GOT1: variants seen among roughly 807,000 people sequenced by gnomAD.
GOT1 encodes aspartate aminotransferase, cytoplasmic.
A neutral mutation model predicts 48.2 loss-of-function variants in GOT1; 25 were observed. The ratio of observed to expected loss-of-function variants is 0.52; its 90% CI spans 0.38 to 0.72. The LOEUF (loss-of-function observed/expected upper bound fraction) is 0.72, where lower values mean the gene tolerates loss of function less well. GOT1 is among the 30% of genes least tolerant of loss of function. The pLI, the probability that GOT1 is intolerant of heterozygous loss-of-function variation, is 0.00. For missense variants in GOT1, 380 were observed against 520.1 expected (o/e 0.73, Z 2.62); for synonymous variants, 188 against 193.8 (o/e 0.97, Z 0.25).
chr10:99,417,940 T>A (rs2032918191), intron 2 of GOT1, among the ~76,000 whole-genome samples: 1 of 151,978 alleles, frequency 6.6e-6, no homozygotes, highest in Non-Finnish European at 1.5e-5. Flanking sequence ...TTAGGAGATA[T>A]ACCTAATGTA....
chr10:99,415,423 C>T (rs577874585), intron 2 of GOT1, among the ~76,000 whole-genome samples: 4 of 152,178 alleles, frequency 2.6e-5, no homozygotes, highest in Non-Finnish European at 5.9e-5. Flanking sequence ...AGACCAATAA[C>T]AGGAGCTGAA....
chr10:99,415,102 TG>T (rs1438169312), intron 2 of GOT1, among the ~76,000 whole-genome samples: 2 of 152,068 alleles, frequency 1.3e-5, no homozygotes, highest in Non-Finnish European at 2.9e-5. Flanking sequence ...AGAGCAGAAC[TG>T]AAGGAGACAG....
At chr10:99,399,895 C>A (rs1038192392) in intron 8 of GOT1, among the ~76,000 whole-genome samples, 3 of 152,148 alleles carry the variant, frequency 2.0e-5, no homozygotes, top group African/African-American at 7.2e-5. Flanking sequence ...AACCAGTGAA[C>A]AAAGAAAGCA....
intron 2 of GOT1, among the ~76,000 whole-genome samples, chr10:99,417,639 T>C (rs896308547): frequency 4.6e-5 from 7 of 152,346 alleles, no homozygotes; most frequent in Non-Finnish European, 8.8e-5. Flanking sequence ...CATATGTTTA[T>C]TGCAGCACTA....
chr10:99,412,176 GAGAAC>G (rs929038274), intron 2 of GOT1, among the ~76,000 whole-genome samples: 1 of 152,100 alleles, frequency 6.6e-6, no homozygotes, highest in African/African-American at 2.4e-5. Context: ...AGTAGGTCTA[GAGAAC>G]AGCAAGACTC....
rs148841191 is a variant in GOT1 at position 99,399,573 on chromosome 10, C to A, written c.1103-1887G>T. 4.2e-3 allele frequency among the ~76,000 whole-genome samples: 637 copies of A among 152,128 alleles called. 6 individuals are homozygous for A. Among genetic ancestry groups the A allele is most frequent in the African/African-American group, 0.014 (581 of 41,472 alleles). The stretch of plus-strand genomic sequence containing the variant: ...ATTGCTTGAGCCCAGGAGTTGACGA[C>A]CAGCCTGGGCATCATAAGGAGACCC... On this transcript the variant is annotated intron_variant, in intron 8 of 8. Transcript: ENST00000370508.
Position 99,406,185 on chromosome 10 carries a change from A to G in GOT1, c.489T>C (p.Asp163=). 6.2e-7 allele frequency: 1 copy of G among 1,613,996 alleles called. No individual in the cohort carries two copies. Among genetic ancestry groups the G allele is most frequent in the Non-Finnish European group, 8.5e-7 (1 of 1,179,818 alleles). The change falls in exon 4 of 9, where the codon GAT becomes GAC. Residue 163 remains aspartate, a synonymous_variant. Transcript: ENST00000370508. ...GGAGGTCCAATCCTCTCTTCTCTGCATCCCAGTAGCGATAGGACCGAATGT... is the reference window on the plus strand; with the variant it reads ...GGAGGTCCAATCCTCTCTTCTCTGCGTCCCAGTAGCGATAGGACCGAATGT... ...FKDIRSYRYW[D]AEKRGLDLQG...
In GOT1 at chr10:99,397,625, G is replaced by A. The variant is rs2032618173; in HGVS notation, c.1164C>T (p.Ile388=). 6.2e-7 allele frequency: 1 copy of A among 1,613,650 alleles called. No individual in the cohort carries two copies. Among genetic ancestry groups the A allele is most frequent in the African/African-American group, 1.3e-5 (1 of 74,886 alleles). Residue 388 remains isoleucine (I), a synonymous_variant, in exon 9 of 9, where the codon ATC becomes ATT. Transcript: ENST00000370508. This position sits in a 1 kb window ranked among gnomAD's most constrained non-coding sequence, Gnocchi z 5.4. Reference sequence around the variant, plus strand: ...TTTTGGTGGTTAAGCCACTCACGTTGATTCGACCACTTGGCAGCAGGTAGA... The same window carrying A: ...TTTTGGTGGTTAAGCCACTCACGTTAATTCGACCACTTGGCAGCAGGTAGA... ...KHIYLLPSGR[I]NVSGLTTKNL...
intron 1 of GOT1, among the ~76,000 whole-genome samples, chr10:99,421,870 T>TA (rs879935363): frequency 7.3e-5 from 11 of 150,370 alleles, no homozygotes; most frequent in South Asian, 4.2e-4. Flanking sequence ...ATCCCTGACT[T>TA]AAAAAAAAAA....
intron 8 of GOT1, among the ~76,000 whole-genome samples, chr10:99,400,585 C>T (rs895334925): frequency 5.3e-5 from 8 of 151,612 alleles, no homozygotes; most frequent in East Asian, 2.0e-4. Flanking sequence ...TGCAGTGGCC[C>T]GAGATTGCAC....
chr10:99,414,999 A>C (rs1355062576), intron 2 of GOT1, among the ~76,000 whole-genome samples: 1 of 152,220 alleles, frequency 6.6e-6, no homozygotes, highest in Non-Finnish European at 1.5e-5. Context: ...GGAAAGATCT[A>C]AAATTCACAC....
Position 99,396,928 on chromosome 10 carries a change from C to CA in GOT1, c.*618dup, listed in dbSNP as rs1267880906. ...TGAAGTAGAACACAATAGAATGGCT[C>CA]AAAAATATCAGAATGCACTACGCAC... On this transcript the variant is annotated 3_prime_UTR_variant, in exon 9 of 9. Transcript: ENST00000370508. 2.6e-5 allele frequency: 4 copies of CA among 152,336 alleles called. No homozygotes were observed. Among genetic ancestry groups the CA allele is most frequent in the African/African-American group, 7.2e-5 (3 of 41,546 alleles). The allele number at this position is 152,336 out of a possible 1,614,324, so 9.4% of individuals were successfully genotyped here. A position where few individuals can be genotyped will look rare whatever the true frequency, so the allele number is the denominator to read the frequency against.
chr10:99,398,495 C>A (rs1034679929), intron 8 of GOT1, among the ~76,000 whole-genome samples: 1 of 152,040 alleles, frequency 6.6e-6, no homozygotes, highest in Admixed American at 6.6e-5. Context: ...CATGCTGAGA[C>A]CCAGTCTCTA....
chr10:99,400,751 G>T (rs1228357029), intron 8 of GOT1, among the ~76,000 whole-genome samples: 1 of 152,194 alleles, frequency 6.6e-6, no homozygotes, highest in African/African-American at 2.4e-5. Context: ...GACCAGCCTG[G>T]TCAACATGGT....
chr10:99,405,236 T>C (rs770974657), intron 5 of GOT1, among the ~76,000 whole-genome samples: 1 of 152,162 alleles, frequency 6.6e-6, no homozygotes, highest in Non-Finnish European at 1.5e-5. Context: ...CAGCTAGGAA[T>C]TCCCACCTAG....
chr10:99,415,936 G>GT (rs1444266665), intron 2 of GOT1, among the ~76,000 whole-genome samples: 1 of 152,010 alleles, frequency 6.6e-6, no homozygotes, highest in Non-Finnish European at 1.5e-5. Flanking sequence ...TTGATGGGAC[G>GT]TATCTCAAAA....
At chr10:99,423,648 A>G (rs2032999624) in intron 1 of GOT1, among the ~76,000 whole-genome samples, 1 of 151,962 alleles carries the variant, frequency 6.6e-6, no homozygotes, top group African/African-American at 2.4e-5. Context: ...TCTAACTCAC[A>G]ATATTTTTTT....
chr10:99,412,322 G>C (rs537644064), intron 2 of GOT1, among the ~76,000 whole-genome samples: 5 of 151,922 alleles, frequency 3.3e-5, no homozygotes, highest in African/African-American at 1.2e-4. Context: ...ACAGGCAATG[G>C]GGGAGCTATG....
At chr10:99,419,459 G>C (rs1022275701) in intron 2 of GOT1, among the ~76,000 whole-genome samples, 2 of 152,152 alleles carry the variant, frequency 1.3e-5, no homozygotes, top group Non-Finnish European at 2.9e-5. Flanking sequence ...CTCTCATCAG[G>C]TAGGTCTCTT....
Sources: gnomAD v4.1 joint callset for allele counts (sites outside exome capture counted in the v4.1 genomes callset) on GRCh38, gnomAD v4.1.1 for gene constraint, Gnocchi (gnomAD v3.1) non-coding constraint, MANE v1.5 for transcripts, NCBI Gene and HGNC (gene_info 2026-07-23, HGNC 2026-07-21) for gene names.